The following CAPRIN1 variants were observed in gnomAD, a reference collection of about 807,000 sequenced individuals.
CAPRIN1 encodes the protein cell cycle associated protein 1.
A neutral mutation model predicts 100.9 loss-of-function variants in CAPRIN1; 29 were observed. The observed-to-expected ratio is 0.29, with a 90% CI of 0.21 to 0.39. The LOEUF (loss-of-function observed/expected upper bound fraction) is 0.39. Ranked by LOEUF, CAPRIN1 falls within the 10% of genes least tolerant of loss-of-function variation. CAPRIN1 has a pLI of 1.00. For synonymous variants in CAPRIN1, 338 were observed against 307.5 expected, an observed-to-expected ratio of 1.10 and a Z score of -1.04; for missense variants, 795 against 876.7, an observed-to-expected ratio of 0.91 and a Z score of 1.18.
chr11:34,093,025 A>ATT (rs927684688), intron 15 of CAPRIN1, among the ~76,000 whole-genome samples: 2,340 of 140,558 alleles, frequency 0.017, 50 homozygotes, highest in African/African-American at 0.057. Context: ...TGGCTGGCTA[A>ATT]TTTTTTTTTT....
chr11:34,085,953 GT>G lies in CAPRIN1; in HGVS notation c.967-109del, dbSNP rs577156630. 1.3e-4 allele frequency: 105 copies of G among 795,248 alleles called. 1 individual carries two copies. In the South Asian group the frequency reaches 1.8e-3, roughly 14 times the overall value. 49.3% of individuals were successfully genotyped at this position (795,248 alleles called of 1,614,324 possible). On this transcript the variant is annotated intron_variant, in intron 9 of 18. Transcript: ENST00000341394. ...CATTTGGGTAACTGCATTAAAGCCCGTTCTGTTTATAGTATAGATGGTTTAT... is the reference window on the plus strand; with the variant it reads ...CATTTGGGTAACTGCATTAAAGCCCGTCTGTTTATAGTATAGATGGTTTAT...
chr11:34,086,554 ATGTTAT>A, intron 11 of CAPRIN1, 141 bp downstream of exon 11: 3 of 569,918 alleles, frequency 5.3e-6, no homozygotes, highest in Non-Finnish European at 9.2e-6. Context: ...GATAGAAAGA[ATGTTAT>A]TGTTCCTATG....
intron 14 of CAPRIN1, chr11:34,091,607 A>G (rs982132566): frequency 5.2e-6 from 1 of 190,790 alleles, no homozygotes; most frequent in East Asian, 1.3e-4. Flanking sequence ...TTTTAAAAAG[A>G]TTTCTCATAT....
intron 6 of CAPRIN1, 83 bp downstream of exon 6, chr11:34,076,725 GA>G: frequency 2.4e-6 from 2 of 850,688 alleles, no homozygotes; most frequent in Non-Finnish European, 3.6e-6. Context: ...TCACTTGGAA[GA>G]AAAAAATTAG....
intron 9 of CAPRIN1, 32 bp from the exon 10 acceptor site, chr11:34,086,032 T>G (rs768408806): frequency 1.2e-5 from 20 of 1,608,448 alleles, no homozygotes; most frequent in South Asian, 2.2e-5. Flanking sequence ...TTTGCTCTCC[T>G]ATTCCTTCTA....
intron 17 of CAPRIN1, among the ~76,000 whole-genome samples, 165 bp from the exon 18 acceptor site, chr11:34,097,533 A>C (rs1293526455): frequency 6.6e-6 from 1 of 152,250 alleles, no homozygotes; most frequent in Non-Finnish European, 1.5e-5. Context: ...CTTTGAGAAT[A>C]GTAGAAGTAC....
intron 4 of CAPRIN1, among the ~76,000 whole-genome samples, chr11:34,073,340 G>A (rs1484599018): frequency 6.6e-6 from 1 of 152,182 alleles, no homozygotes; most frequent in African/African-American, 2.4e-5. Flanking sequence ...ATGGGCAGAG[G>A]CCATCACAGT....
intron 2 of CAPRIN1, among the ~76,000 whole-genome samples, chr11:34,057,113 A>G (rs972738243): frequency 6.6e-6 from 1 of 152,246 alleles, no homozygotes; most frequent in Non-Finnish European, 1.5e-5. Flanking sequence ...TAACTATTTT[A>G]TAAGTAAAAT....
At chr11:34,075,865 A>G (rs1025887458) in intron 4 of CAPRIN1, among the ~76,000 whole-genome samples, 1 of 152,094 alleles carries the variant, frequency 6.6e-6, no homozygotes, top group Non-Finnish European at 1.5e-5. Flanking sequence ...ATACAATGAA[A>G]CTCTTTGTAC....
intron 2 of CAPRIN1, among the ~76,000 whole-genome samples, chr11:34,062,587 T>C (rs947613382): frequency 7.9e-5 from 11 of 139,228 alleles, no homozygotes; most frequent in Admixed American, 7.9e-4. Flanking sequence ...ATCACGCCAC[T>C]GCACTCCAGC....
chr11:34,091,771 G>T, intron 14 of CAPRIN1, 135 bp from the exon 15 acceptor site: 3 of 711,100 alleles, frequency 4.2e-6, no homozygotes, highest in Non-Finnish European at 7.1e-6. Flanking sequence ...TTTTGTATGT[G>T]TGTGTGATGT....
rs1051145963 is a variant in CAPRIN1 at position 34,100,213 on chromosome 11, G to A, written c.*846G>A. 1 of 152,172 alleles carries A rather than the reference G, an allele frequency of 6.6e-6. No homozygotes were observed. Among genetic ancestry groups the A allele is most frequent in the Non-Finnish European group, 1.5e-5 (1 of 68,026 alleles). The allele number at this position is 152,172 out of a possible 1,614,324, so 9.4% of individuals were successfully genotyped here. On this transcript the variant is annotated 3_prime_UTR_variant, in exon 19 of 19. Coordinates refer to ENST00000341394, the MANE Select transcript of CAPRIN1 (RefSeq NM_005898.5). ...TATCATTCCTTATGACATGTACATT[G>A]TCTGTCACTAATCCTTGGATTTTGC...
chr11:34,079,435 A>G (rs935157485), intron 6 of CAPRIN1, among the ~76,000 whole-genome samples, 193 bp from the exon 7 acceptor site: 1 of 152,274 alleles, frequency 6.6e-6, no homozygotes, highest in South Asian at 2.1e-4. Flanking sequence ...AAAGTTTAAT[A>G]TAACTACATT....
chr11:34,057,938 T>C (rs1388081207), intron 2 of CAPRIN1, among the ~76,000 whole-genome samples: 2 of 151,864 alleles, frequency 1.3e-5, no homozygotes, highest in East Asian at 3.9e-4. Context: ...CAGGCTGGTC[T>C]CAAAACGCCT....
At chr11:34,078,808 CTCTTCTGGATTTCAACTCTTG>C (rs1473633613) in intron 6 of CAPRIN1, among the ~76,000 whole-genome samples, 1 of 152,212 alleles carries the variant, frequency 6.6e-6, no homozygotes, top group Non-Finnish European at 1.5e-5. Context: ...TTCCCCTCTA[CTCTTCTGGATTTCAACTCTTG>C]TAGCACTTAC....
chr11:34,081,887 C>A (rs572617852), intron 7 of CAPRIN1, among the ~76,000 whole-genome samples: 1 of 152,290 alleles, frequency 6.6e-6, no homozygotes, highest in East Asian at 1.9e-4. Context: ...TCTCAGCTTG[C>A]TGCAACCTCT....
chr11:34,067,493 T>G (rs12787301), intron 2 of CAPRIN1, among the ~76,000 whole-genome samples: 1 of 141,288 alleles, frequency 7.1e-6, no homozygotes, highest in African/African-American at 2.6e-5. Flanking sequence ...TGCACAGTTG[T>G]TTTTTTTTTT....
chr11:34,075,828 G>T (rs1850896110), intron 4 of CAPRIN1, among the ~76,000 whole-genome samples: 1 of 152,116 alleles, frequency 6.6e-6, no homozygotes, highest in African/African-American at 2.4e-5. Flanking sequence ...AAAAACTTCA[G>T]ATATATATAC....
intron 18 of CAPRIN1, chr11:34,098,757 A>C: frequency 1.0e-6 from 1 of 985,266 alleles, no homozygotes; most frequent in African/African-American, 1.7e-5. Flanking sequence ...TGATAGCTAA[A>C]AATCTGTTTT....
Sources: gnomAD v4.1 joint callset for allele counts (sites outside exome capture counted in the v4.1 genomes callset) on GRCh38, gnomAD v4.1.1 for gene constraint, MANE v1.5 for transcripts, NCBI Gene and HGNC (gene_info 2026-07-23, HGNC 2026-07-21) for gene names.